The following EPRS1 variants were observed in gnomAD, a reference collection of about 807,000 sequenced individuals.
EPRS1 encodes bifunctional glutamate/proline--tRNA ligase.
In EPRS1, 107 loss-of-function variants were observed where a neutral mutation model predicts 188.3. The observed-to-expected ratio is 0.57, with a 90% CI of 0.49 to 0.67. The LOEUF is 0.67. Among genes scored for constraint, EPRS1 ranks in the 30% least tolerant of loss-of-function variants. EPRS1 has a pLI of 0.00. For missense variants in EPRS1, 1,577 were observed against 1,802.2 expected (o/e 0.88, Z 2.26); for synonymous variants, 596 against 593.1 (o/e 1.00, Z -0.07).
chr1:219,973,626 T>C (rs1660714785), intron 28 of EPRS1, among the ~76,000 whole-genome samples: 1 of 151,646 alleles, frequency 6.6e-6, no homozygotes. Flanking sequence ...GCCCCAGAAG[T>C]TCTTCATGGA....
At chr1:220,027,461 G>T (rs1173558185) in intron 6 of EPRS1, among the ~76,000 whole-genome samples, 1 of 150,828 alleles carries the variant, frequency 6.6e-6, no homozygotes, top group Non-Finnish European at 1.5e-5. Context: ...GCGTGGTGGT[G>T]GGCGCCTGTA....
chr1:220,024,263 C>A lies in EPRS1; in HGVS notation c.943+1G>T. On this transcript the variant is annotated splice_donor_variant, in intron 8 of 31. Transcript: ENST00000366923. LOFTEE classifies it high-confidence loss of function. ...TTAAAATATAAAACAATGTGGCTTACGGTTTTTTCTATGTTTAGAGTCTAT... is the reference window on the plus strand; with the variant it reads ...TTAAAATATAAAACAATGTGGCTTAAGGTTTTTTCTATGTTTAGAGTCTAT... 1 of 1,557,322 alleles carries A rather than the reference C, an allele frequency of 6.4e-7. No homozygotes were observed. Among genetic ancestry groups the A allele is most frequent in the Non-Finnish European group, 8.7e-7 (1 of 1,154,332 alleles).
chr1:219,988,943 C>A, intron 18 of EPRS1, 120 bp from the exon 19 acceptor site: 1 of 621,872 alleles, frequency 1.6e-6, no homozygotes, highest in Non-Finnish European at 2.8e-6. Flanking sequence ...ATGGGGAAAC[C>A]TATGTTAAAT....
At position 219,998,060 on chromosome 1, in the gene EPRS1, T is replaced by C. The variant is rs568434924; in HGVS notation, c.2182-718A>G. Reference sequence around the variant, plus strand: ...ATTTTTATTCATGCTTTCTGCTGCCTAGACTGCATTCTTCCCTACTGAAAC... The same window carrying C: ...ATTTTTATTCATGCTTTCTGCTGCCCAGACTGCATTCTTCCCTACTGAAAC... On this transcript the variant is annotated intron_variant, in intron 17 of 31. Coordinates refer to ENST00000366923, the MANE Select transcript of EPRS1 (RefSeq NM_004446.3). Among the ~76,000 whole-genome samples the C allele has an allele frequency of 1.2e-4, 19 of 152,328 alleles. No homozygotes were observed. In the South Asian group the frequency reaches 3.5e-3, roughly 28 times the overall value.
chr1:220,019,320 G>GA (rs1237941796), intron 10 of EPRS1, among the ~76,000 whole-genome samples: 4 of 151,320 alleles, frequency 2.6e-5, no homozygotes, highest in Admixed American at 1.3e-4. Flanking sequence ...AAGCACATTT[G>GA]AAAAAAAAGA....
At position 220,046,446 on chromosome 1, in the gene EPRS1, G is replaced by A. The variant is rs1036109110; in HGVS notation, c.-58C>T. On this transcript the variant is annotated 5_prime_UTR_variant, in exon 1 of 32. Transcript: ENST00000366923. ...GCCTGGCTCGTGCCAGAACTACGGA[G>A]GACCCCGCGAAAGGAAGAAGATGCA... 3.1e-5 allele frequency: 50 copies of A among 1,607,132 alleles called. No homozygotes were observed. The highest frequency in any genetic ancestry group is 6.6e-5 in the South Asian group (6 of 90,246).
intron 6 of EPRS1, 75 bp from the exon 7 acceptor site, chr1:220,025,333 A>G (rs1476716942): frequency 8.6e-7 from 1 of 1,162,470 alleles, no homozygotes; most frequent in Non-Finnish European, 1.2e-6. Flanking sequence ...CTTTTTGAGG[A>G]GATGAGAACT....
chr1:219,982,944 T>A (rs1440556129), intron 22 of EPRS1, 100 bp from the exon 23 acceptor site: 14 of 1,094,886 alleles, frequency 1.3e-5, no homozygotes, highest in Non-Finnish European at 1.8e-5. Flanking sequence ...TTTTGCTATA[T>A]CAATTTAGGC....
intron 28 of EPRS1, among the ~76,000 whole-genome samples, chr1:219,977,536 G>A (rs1196705109): frequency 6.6e-6 from 1 of 152,020 alleles, no homozygotes; most frequent in Non-Finnish European, 1.5e-5. Flanking sequence ...TTATAGCCCA[G>A]GTTAAGTAGA....
rs1308197183 is a variant in EPRS1, at chr1:219,979,989, T to TA, written c.3711+95_3711+96insT. 2.6e-5 allele frequency: 17 copies of TA among 644,518 alleles called. 1 individual carries two copies. The African/African-American group carries it at 5.1e-4, about 19-fold the overall frequency. The allele number at this position is 644,518 out of a possible 1,614,324, so 39.9% of individuals were successfully genotyped here. A position where few individuals can be genotyped will look rare whatever the true frequency, so the allele number is the denominator to read the frequency against. ...CGAAAGTACATGAAACACTTATTTT[T>TA]TAAGAGTCTACTTCTGTGATGACAG... is the stretch of plus-strand genomic sequence containing the variant. On this transcript the variant is annotated intron_variant, in intron 26 of 31. Transcript: ENST00000366923.
At chr1:220,025,322 C>A in intron 6 of EPRS1, 64 bp from the exon 7 acceptor site, 1 of 1,317,250 alleles carries the variant, frequency 7.6e-7, no homozygotes, top group Non-Finnish European at 1.0e-6. Context: ...TTAAACTTAA[C>A]CTTTTTGAGG....
Position 220,022,423 on chromosome 1 carries a change from T to G in EPRS1, c.1039A>C (p.Asn347His). 4 of 1,614,166 alleles carry G rather than the reference T, an allele frequency of 2.5e-6. No homozygotes were observed. Among genetic ancestry groups the G allele is most frequent in the Non-Finnish European group, 3.4e-6 (4 of 1,180,006 alleles). Reference sequence around the variant, plus strand: ...GTTGGATCTCTCATGCATCCATTGTTACTACTCATGTCAATTTTTGCTCGC... The same window carrying G: ...GTTGGATCTCTCATGCATCCATTGTGACTACTCATGTCAATTTTTGCTCGC... ...CLRAKIDMSS[N>H]NGCMRDPTLY... Residue 347 changes from asparagine (N) to histidine (H), a missense_variant, in exon 9 of 32, where the codon AAC becomes CAC. Transcript: ENST00000366923.
chr1:219,983,228 T>G lies in EPRS1; in HGVS notation c.3261A>C (p.Leu1087Phe), dbSNP rs749145733. The G allele has an allele frequency of 1.9e-6, 3 of 1,614,126 alleles. No individual in the cohort carries two copies. In the Admixed American group the frequency reaches 5.0e-5, roughly 27 times the overall value. Residue 1087 changes from leucine to phenylalanine, a missense_variant, in exon 22 of 32, where the codon TTA becomes TTC. Transcript: ENST00000366923. The part of the protein sequence containing the change: ...YFPMFVSQSA[L>F]EKEKTHVADF... ...CAGCAACATGAGTCTTCTCTTTCTCTAATGCACTTTGAGACACAAACATGG... is the reference window on the plus strand; with the variant it reads ...CAGCAACATGAGTCTTCTCTTTCTCGAATGCACTTTGAGACACAAACATGG...
In EPRS1 at chr1:219,971,792, A is replaced by T. The variant is rs1467423468; in HGVS notation, c.4323+277T>A. 1.4e-4 allele frequency among the ~76,000 whole-genome samples: 20 copies of T among 142,360 alleles called. 4 individuals are homozygous for T. Among genetic ancestry groups the T allele is most frequent in the Non-Finnish European group, 2.6e-4 (17 of 65,042 alleles). The allele number at this position is 142,360 out of a possible 152,430, so 93.4% of individuals were successfully genotyped here. A position where few individuals can be genotyped will look rare whatever the true frequency, so the allele number is the denominator to read the frequency against. ...CCAGTAGAAAACAAAGACTATATAT[A>T]TATACATATACACACACACTATATT... is the stretch of plus-strand genomic sequence containing the variant. On this transcript the variant is annotated intron_variant, in intron 30 of 31. Coordinates refer to ENST00000366923, the MANE Select transcript of EPRS1 (RefSeq NM_004446.3).
chr1:219,987,958 A>G (rs563911970), intron 19 of EPRS1, among the ~76,000 whole-genome samples: 1 of 152,232 alleles, frequency 6.6e-6, no homozygotes, highest in South Asian at 2.1e-4. Flanking sequence ...AAGTTCTACT[A>G]GAAAGCACTG....
intron 18 of EPRS1, among the ~76,000 whole-genome samples, chr1:219,993,292 A>G (rs1661159811): frequency 6.6e-6 from 1 of 152,184 alleles, no homozygotes; most frequent in African/African-American, 2.4e-5. Flanking sequence ...CAGTGTTATT[A>G]TATCTTTGGT....
chr1:220,046,403 T>C lies in EPRS1; in HGVS notation c.-15A>G, dbSNP rs1350022231. The C allele has an allele frequency of 1.9e-6, 3 of 1,613,938 alleles. No homozygotes were observed. Among genetic ancestry groups the C allele is most frequent in the East Asian group, 4.5e-5 (2 of 44,854 alleles). ...AGCGTCGCCATCTCCACCAGTCCGC[T>C]GGTCCACCTGTCAGTACGCCTGGCT... On this transcript the variant is annotated 5_prime_UTR_variant, in exon 1 of 32. Transcript: ENST00000366923.
At chr1:220,018,416 T>C in intron 12 of EPRS1, 33 bp downstream of exon 12, 1 of 1,522,552 alleles carries the variant, frequency 6.6e-7, no homozygotes. Flanking sequence ...GACTTAAGCA[T>C]GAGAAAAGAA....
At chr1:220,003,711 C>A (rs1428485251) in intron 16 of EPRS1, among the ~76,000 whole-genome samples, 1 of 152,078 alleles carries the variant, frequency 6.6e-6, no homozygotes, top group African/African-American at 2.4e-5. Flanking sequence ...TTGGTGGTAC[C>A]ACCACCATTA....
Sources: allele counts gnomAD v4.1 joint callset (sites outside exome capture counted in the v4.1 genomes callset), GRCh38; gene constraint gnomAD v4.1.1; transcripts MANE v1.5; gene names NCBI Gene and HGNC (gene_info 2026-07-23, HGNC 2026-07-21).